The following PCDHGB5 variants were observed in gnomAD, a reference collection of about 807,000 sequenced individuals.
The protein encoded by PCDHGB5 is protocadherin gamma-B5.
PCDHGB5 carries 48 observed loss-of-function variants against 62.9 expected under a neutral mutation model. The observed-to-expected ratio is 0.76, with a 90% CI of 0.61 to 0.97. PCDHGB5 has a LOEUF of 0.97. Among genes scored for constraint, PCDHGB5 ranks in the 50% least tolerant of loss-of-function variants. PCDHGB5 has a pLI of 0.00. For synonymous variants in PCDHGB5, 474 were observed against 511.2 expected, an observed-to-expected ratio of 0.93 and a Z score of 0.98; for missense variants, 1,118 against 1,198.6, an observed-to-expected ratio of 0.93 and a Z score of 0.99.
chr5:141,461,258 A>G lies in PCDHGB5; in HGVS notation c.2398-33549A>G, dbSNP rs2099011921. Among the ~76,000 whole-genome samples, 4 of 152,104 alleles carry G rather than the reference A, an allele frequency of 2.6e-5. No individual in the cohort carries two copies. In the South Asian group the frequency reaches 8.3e-4, roughly 31 times the overall value. The stretch of plus-strand genomic sequence containing the variant: ...GTACTAATTTATATTCCCAGCAGCA[A>G]TGTGTAAGTGTTCTCTTTTCCCCAC... On this transcript the variant is annotated intron_variant, in intron 1 of 3. Transcript: ENST00000617380.
chr5:141,421,288 C>T, intron 1 of PCDHGB5: 1 of 1,613,312 alleles, frequency 6.2e-7, no homozygotes, highest in Non-Finnish European at 8.5e-7. Context: ...GTGCATTTTC[C>T]TGGGGACGCT....
Position 141,490,866 on chromosome 5 carries a change from C to T in PCDHGB5, c.2398-3941C>T, listed in dbSNP as rs1408465290. The T allele has an allele frequency of 6.2e-7, 1 of 1,613,906 alleles. No homozygotes were observed. The highest frequency in any genetic ancestry group is 1.7e-5 in the Admixed American group (1 of 60,012). ...TGGGGGTTCGAGACTCCGGCTCTCC[C>T]CCATTGCATGCCAACACATCTCTGC... On this transcript the variant is annotated intron_variant, in intron 1 of 3. Coordinates refer to ENST00000617380, the MANE Select transcript of PCDHGB5 (RefSeq NM_018925.3). The surrounding 1 kb of genome is among the most constrained non-coding windows in gnomAD (Gnocchi z 5.4).
intron 1 of PCDHGB5, among the ~76,000 whole-genome samples, chr5:141,446,411 G>A (rs778985047): frequency 1.3e-5 from 2 of 152,086 alleles, no homozygotes; most frequent in Non-Finnish European, 2.9e-5. Flanking sequence ...TTGAGTTCCA[G>A]CCATGTTCAT....
rs753664223 is a variant in PCDHGB5 at position 141,410,518 on chromosome 5, C to G, written c.2397+9994C>G. 5.0e-6 allele frequency: 8 copies of G among 1,613,820 alleles called. No homozygotes were observed. In the East Asian group the frequency reaches 1.8e-4, roughly 36 times the overall value. On this transcript the variant is annotated intron_variant, in intron 1 of 3. Coordinates refer to ENST00000617380, the MANE Select transcript of PCDHGB5 (RefSeq NM_018925.3). ...TTAATTTCCTAAAATGCAGTGTGCC[C>G]CTACATTCCAATGAAGACATGGTTT...
At chr5:141,409,262 G>A (rs768196825) in intron 1 of PCDHGB5, 2 of 1,613,834 alleles carry the variant, frequency 1.2e-6, no homozygotes, top group African/African-American at 2.7e-5. Flanking sequence ...TTCTCTCTCT[G>A]ATCAGATTTT....
At chr5:141,443,845 A>C (rs923351698) in intron 1 of PCDHGB5, among the ~76,000 whole-genome samples, 19 of 152,224 alleles carry the variant, frequency 1.2e-4, no homozygotes, top group Admixed American at 5.9e-4. Context: ...GGTAATATGG[A>C]AAGTCTGAAA....
At position 141,398,736 on chromosome 5, in the gene PCDHGB5, A is replaced by G. The variant is rs748665574; in HGVS notation, c.609A>G (p.Glu203=). The G allele has an allele frequency of 6.2e-7, 1 of 1,613,884 alleles. No individual in the cohort carries two copies. The highest frequency in any genetic ancestry group is 1.1e-5 in the South Asian group (1 of 91,086). The change falls in exon 1 of 4, where the codon GAA becomes GAG. Residue 203 remains glutamate (E), a synonymous_variant. Transcript: ENST00000617380. ...ELALEKTLDR[E]QQSYHRLVLT... ...CACTGGAGAAAACCTTAGACCGGGA[A>G]CAACAGAGTTACCATCGTTTAGTCC...
chr5:141,463,532 T>C (rs1237301892), intron 1 of PCDHGB5, among the ~76,000 whole-genome samples: 2 of 133,692 alleles, frequency 1.5e-5, no homozygotes, highest in Non-Finnish European at 3.1e-5. Flanking sequence ...TACTAGAAAC[T>C]CCGGCTCCCG....
At chr5:141,423,659 A>T (rs369390148) in intron 1 of PCDHGB5, 133 of 1,551,038 alleles carry the variant, frequency 8.6e-5, no homozygotes, top group Non-Finnish European at 1.1e-4. Context: ...ACAAGTAATC[A>T]GGTGAGATTT....
At position 141,511,211 on chromosome 5, in the gene PCDHGB5, C is replaced by G; in HGVS notation, c.*38C>G. ...GCCAAGAGCCACAGGGCGGCCTCTC[C>G]CCAACCAGCCCAGCTTCTCCTTACC... On this transcript the variant is annotated 3_prime_UTR_variant, in exon 4 of 4. Transcript: ENST00000617380. The G allele has an allele frequency of 6.2e-7, 1 of 1,608,626 alleles. No individual in the cohort carries two copies. The highest frequency in any genetic ancestry group is 8.5e-7 in the Non-Finnish European group (1 of 1,177,476).
At chr5:141,407,013 C>T (rs550387003) in intron 1 of PCDHGB5, among the ~76,000 whole-genome samples, 28 of 152,216 alleles carry the variant, frequency 1.8e-4, no homozygotes, top group Middle Eastern at 6.8e-3. Context: ...TTGAAGTTGA[C>T]TCAAAATTCT....
At chr5:141,488,546 G>A (rs2099676755) in intron 1 of PCDHGB5, among the ~76,000 whole-genome samples, 1 of 152,188 alleles carries the variant, frequency 6.6e-6, no homozygotes, top group African/African-American at 2.4e-5. Context: ...TCCCATGTCA[G>A]CTGACATTGA....
At chr5:141,416,434 A>G (rs2096024040) in intron 1 of PCDHGB5, 1 of 152,222 alleles carries the variant, frequency 6.6e-6, no homozygotes, top group African/African-American at 2.4e-5. Context: ...CTAAGGCTGA[A>G]AGTAAATATG....
At chr5:141,417,693 A>T in intron 1 of PCDHGB5, 1 of 1,091,256 alleles carries the variant, frequency 9.2e-7, no homozygotes, top group Non-Finnish European at 1.3e-6. Context: ...AAAGAAAACC[A>T]GCTCCCACAC....
At chr5:141,440,428 C>A (rs1001845529) in intron 1 of PCDHGB5, 1 of 152,132 alleles carries the variant, frequency 6.6e-6, no homozygotes, top group Non-Finnish European at 1.5e-5. Context: ...GCCTGGGTGA[C>A]AGAGCAAGGC....
Position 141,491,048 on chromosome 5 carries a change from C to T in PCDHGB5, c.2398-3759C>T, listed in dbSNP as rs755163825. The T allele has an allele frequency of 7.4e-6, 12 of 1,613,948 alleles. No individual in the cohort carries two copies. Among genetic ancestry groups the T allele is most frequent in the South Asian group, 4.4e-5 (4 of 91,090 alleles). ...GTGGATGCTGATGCAGGCCACAATG[C>T]GTGGCTCTCCTACTCACTGTTGCCA... On this transcript the variant is annotated intron_variant, in intron 1 of 3. Coordinates refer to ENST00000617380, the MANE Select transcript of PCDHGB5 (RefSeq NM_018925.3). The surrounding 1 kb of genome is among the most constrained non-coding windows in gnomAD (Gnocchi z 6.9).
intron 1 of PCDHGB5, among the ~76,000 whole-genome samples, chr5:141,469,088 G>A (rs1388316490): frequency 6.6e-6 from 1 of 151,604 alleles, no homozygotes; most frequent in Non-Finnish European, 1.5e-5. Context: ...ACCATTCTAG[G>A]CAACAAAGCA....
At chr5:141,421,407 G>T in intron 1 of PCDHGB5, 1 of 1,614,076 alleles carries the variant, frequency 6.2e-7, no homozygotes. Flanking sequence ...CCCGGGAGCT[G>T]GCGAAGCGCG....
At chr5:141,408,479 G>A in intron 1 of PCDHGB5, 1 of 1,614,074 alleles carries the variant, frequency 6.2e-7, no homozygotes, top group Non-Finnish European at 8.5e-7. Flanking sequence ...AATAGACCGT[G>A]AGCAAATATG....
Sources: gnomAD v4.1 joint callset for allele counts (sites outside exome capture counted in the v4.1 genomes callset) on GRCh38, gnomAD v4.1.1 for gene constraint, Gnocchi (gnomAD v3.1) non-coding constraint, MANE v1.5 for transcripts, NCBI Gene and HGNC (gene_info 2026-07-23, HGNC 2026-07-21) for gene names.